The following SUCO variants were observed in gnomAD, a reference collection of about 807,000 sequenced individuals.
SUCO encodes SUN domain-containing ossification factor.
Under a neutral mutation model 148.1 loss-of-function variants are expected in SUCO, and 57 were observed. The ratio of observed to expected loss-of-function variants is 0.38; its 90% CI spans 0.31 to 0.48. The LOEUF (loss-of-function observed/expected upper bound fraction) is 0.48. SUCO is among the 20% of genes least tolerant of loss of function. The pLI is 0.96. For missense variants in SUCO, 1,331 were observed against 1,468.2 expected, an observed-to-expected ratio of 0.91 and a Z score of 1.53; for synonymous variants, 470 against 502.7, an observed-to-expected ratio of 0.93 and a Z score of 0.87.
At chr1:172,565,466 T>C (rs1571220082) in intron 6 of SUCO, among the ~76,000 whole-genome samples, 1 of 152,222 alleles carries the variant, frequency 6.6e-6, no homozygotes, top group African/African-American at 2.4e-5. Flanking sequence ...CCTAAAGGAA[T>C]GTCAATGCCA....
chr1:172,609,745 A>C, intron 23 of SUCO, 71 bp from the exon 24 acceptor site: 3 of 1,526,690 alleles, frequency 2.0e-6, no homozygotes, highest in Non-Finnish European at 2.6e-6. Flanking sequence ...CTATTAGCTC[A>C]GCTCTCTAGG....
At chr1:172,543,933 T>A (rs1652684394) in intron 1 of SUCO, among the ~76,000 whole-genome samples, 1 of 152,104 alleles carries the variant, frequency 6.6e-6, no homozygotes, top group Non-Finnish European at 1.5e-5. Context: ...TAAAACATTG[T>A]GATGGAGAGA....
At position 172,585,738 on chromosome 1, in the gene SUCO, T is replaced by C. The variant is rs1334888503; in HGVS notation, c.1568-120T>C. 4 of 634,484 alleles carry C rather than the reference T, an allele frequency of 6.3e-6. No homozygotes were observed. In the African/African-American group the frequency reaches 7.3e-5, roughly 12 times the overall value. The allele number at this position is 634,484 out of a possible 1,614,324, so 39.3% of individuals were successfully genotyped here. ...AGAACTTTGATTTTTTAAGAAAAAG[T>C]CTGCAGTAGCAAACCTATTTGGCTT... On this transcript the variant is annotated intron_variant, in intron 16 of 23. Coordinates refer to ENST00000263688, the MANE Select transcript of SUCO (RefSeq NM_014283.5).
chr1:172,532,913 C>T, upstream of SUCO: 1 of 1,401,484 alleles, frequency 7.1e-7, no homozygotes, highest in Non-Finnish European at 9.5e-7. Context: ...GCATCTGCTC[C>T]TGCGCTTTGT....
At chr1:172,540,317 C>T (rs973276764) in intron 1 of SUCO, among the ~76,000 whole-genome samples, 3 of 152,148 alleles carry the variant, frequency 2.0e-5, no homozygotes, top group African/African-American at 7.2e-5. Flanking sequence ...GGCAAAGTGT[C>T]AGTTTTTTTC....
intron 6 of SUCO, chr1:172,568,305 TCCCA>T: frequency 8.8e-6 from 8 of 905,720 alleles, no homozygotes; most frequent in African/African-American, 1.8e-5. Flanking sequence ...ATTCTTTGCT[TCCCA>T]CCCACCCCAT....
chr1:172,569,358 T>C (rs1654778713), intron 7 of SUCO: 9 of 966,214 alleles, frequency 9.3e-6, no homozygotes, highest in African/African-American at 8.8e-5. Flanking sequence ...TTCTTGTAAA[T>C]TATTAAGTGA....
intron 6 of SUCO, among the ~76,000 whole-genome samples, chr1:172,562,477 G>T (rs530392139): frequency 6.6e-6 from 1 of 152,006 alleles, no homozygotes; most frequent in East Asian, 1.9e-4. Flanking sequence ...GACTACAGGC[G>T]TGCACCACCA....
chr1:172,556,420 C>T lies in SUCO; in HGVS notation c.443+397C>T, dbSNP rs79030976. 3.3e-5 allele frequency among the ~76,000 whole-genome samples: 5 copies of T among 152,220 alleles called. No individual in the cohort carries two copies. The East Asian group carries it at 7.7e-4, about 23-fold the overall frequency. ...TTCATTTTTATGTCTTCGTGTGAAT[C>T]GCTAACTTTTTCAAACTCGATAATA... On this transcript the variant is annotated intron_variant, in intron 4 of 23. Transcript: ENST00000263688.
chr1:172,600,585 T>C (rs1299820449), intron 20 of SUCO, among the ~76,000 whole-genome samples: 1 of 152,158 alleles, frequency 6.6e-6, no homozygotes, highest in Middle Eastern at 3.2e-3. Context: ...CGGTAGTTAA[T>C]AGTCCCTGGC....
At chr1:172,549,201 A>G (rs1384429923) in intron 1 of SUCO, among the ~76,000 whole-genome samples, 1 of 151,878 alleles carries the variant, frequency 6.6e-6, no homozygotes. Flanking sequence ...AATGTTTCCT[A>G]ACATAATAAT....
chr1:172,573,275 C>T (rs1655182093), intron 9 of SUCO, among the ~76,000 whole-genome samples: 1 of 152,160 alleles, frequency 6.6e-6, no homozygotes, highest in Non-Finnish European at 1.5e-5. Flanking sequence ...AATTAGTTTA[C>T]AGTCTCTAGA....
intron 9 of SUCO, among the ~76,000 whole-genome samples, chr1:172,572,664 C>CA (rs1655120640): frequency 7.4e-6 from 1 of 135,672 alleles, no homozygotes; most frequent in Admixed American, 7.7e-5. Flanking sequence ...CTGCCAAATC[C>CA]CCCTCTGTGA....
intron 7 of SUCO, 168 bp from the exon 8 acceptor site, chr1:172,569,879 G>A (rs898280260): frequency 1.8e-5 from 6 of 333,904 alleles, no homozygotes; most frequent in Non-Finnish European, 2.6e-5. Context: ...CTATTGAGGT[G>A]GAGCACTTTG....
intron 1 of SUCO, among the ~76,000 whole-genome samples, chr1:172,541,195 A>G (rs1353370660): frequency 6.6e-6 from 1 of 152,238 alleles, no homozygotes; most frequent in Non-Finnish European, 1.5e-5. Flanking sequence ...TAGGTTTTAA[A>G]TCACCTCTAG....
chr1:172,583,758 C>T (rs959082964), intron 15 of SUCO, among the ~76,000 whole-genome samples: 1 of 152,126 alleles, frequency 6.6e-6, no homozygotes, highest in Non-Finnish European at 1.5e-5. Flanking sequence ...AAAGAATTAA[C>T]TTCTAGTGGA....
Position 172,611,076 on chromosome 1 carries a change from A to T in SUCO, c.*817A>T, listed in dbSNP as rs1172227496. 1 of 152,676 alleles carries T rather than the reference A, an allele frequency of 6.5e-6. No homozygotes were observed. Among genetic ancestry groups the T allele is most frequent in the African/African-American group, 2.4e-5 (1 of 41,470 alleles). 9.5% of individuals were successfully genotyped at this position (152,676 alleles called of 1,614,324 possible). On this transcript the variant is annotated 3_prime_UTR_variant, in exon 24 of 24. Coordinates refer to ENST00000263688, the MANE Select transcript of SUCO (RefSeq NM_014283.5). ...AGCTTACATTTTAAACATACACAAT[A>T]AACACTAATCCTCCAAACTTTCACT...
chr1:172,570,547 T>C, intron 8 of SUCO, 116 bp from the exon 9 acceptor site: 3 of 711,980 alleles, frequency 4.2e-6, no homozygotes, highest in Non-Finnish European at 7.3e-6. Context: ...TGTTTTAAAG[T>C]CTTAGGTGTA....
chr1:172,550,946 T>G, intron 1 of SUCO: 2 of 853,120 alleles, frequency 2.3e-6, no homozygotes, highest in Non-Finnish European at 2.8e-6. Flanking sequence ...GTGGTATATT[T>G]CTCCTTTGGT....
Sources: gnomAD v4.1 joint callset for allele counts (sites outside exome capture counted in the v4.1 genomes callset) on GRCh38, gnomAD v4.1.1 for gene constraint, MANE v1.5 for transcripts, NCBI Gene and HGNC (gene_info 2026-07-23, HGNC 2026-07-21) for gene names.